The following COL25A1 variants were observed in gnomAD, a reference collection of about 807,000 sequenced individuals.
COL25A1 encodes the protein collagen alpha-1(XXV) chain.
Under a neutral mutation model 128.4 loss-of-function variants are expected in COL25A1, and 103 were observed. The observed-to-expected ratio is 0.80, with a 90% confidence interval of 0.68 to 0.94. The LOEUF is 0.94. Among genes scored for constraint, COL25A1 ranks in the 40% least tolerant of loss-of-function variants. The probability of loss-of-function intolerance (pLI) is 0.00; values close to 1 mark genes in which losing one functional copy is unlikely to be tolerated. For missense variants in COL25A1, 745 were observed against 840.0 expected (o/e 0.89, Z 1.40); for synonymous variants, 279 against 277.2 (o/e 1.01, Z -0.06).
chr4:108,959,625 A>G (rs900444360), intron 8 of COL25A1, among the ~76,000 whole-genome samples: 3 of 152,192 alleles, frequency 2.0e-5, no homozygotes, highest in Non-Finnish European at 4.4e-5. Context: ...ATCTTGACTT[A>G]TTGTAACAGT....
At position 108,936,105 on chromosome 4, in the gene COL25A1, T is replaced by G. The variant is rs553749512; in HGVS notation, c.708+1703A>C. 1.9e-3 allele frequency among the ~76,000 whole-genome samples: 293 copies of G among 152,300 alleles called. 2 individuals are homozygous for G. The highest frequency in any genetic ancestry group is 6.8e-3 in the African/African-American group (284 of 41,560). On this transcript the variant is annotated intron_variant, in intron 11 of 37. Transcript: ENST00000399132. ...GCTTAAATTAATTTCAAAATTTTAT[T>G]GCAGTTCTCCCAGAATTCTTCATAC...
intron 3 of COL25A1, among the ~76,000 whole-genome samples, chr4:109,225,997 A>G (rs1354745137): frequency 4.0e-5 from 1 of 25,256 alleles, no homozygotes; most frequent in African/African-American, 2.0e-4. Context: ...TATTTGTAAT[A>G]CACACACACA....
At chr4:108,872,831 A>T (rs1738929853) in intron 19 of COL25A1, among the ~76,000 whole-genome samples, 1 of 152,194 alleles carries the variant, frequency 6.6e-6, no homozygotes, top group South Asian at 2.1e-4. Context: ...TTCATAAAAC[A>T]TACTATTTGA....
chr4:109,083,448 A>AT (rs60165291), intron 3 of COL25A1, among the ~76,000 whole-genome samples: 4,095 of 77,114 alleles, frequency 0.053, 455 homozygotes, highest in Non-Finnish European at 0.063. Context: ...CACTAAATAA[A>AT]TTTTTTTTTT....
intron 3 of COL25A1, among the ~76,000 whole-genome samples, chr4:109,160,148 C>A (rs892393603): frequency 2.0e-5 from 3 of 152,154 alleles, no homozygotes; most frequent in Admixed American, 6.5e-5. Context: ...AAAGTTTAAA[C>A]ACCAGGGCCA....
chr4:109,139,929 T>C (rs1770226745), intron 3 of COL25A1, among the ~76,000 whole-genome samples: 1 of 151,338 alleles, frequency 6.6e-6, no homozygotes, highest in Admixed American at 6.6e-5. Flanking sequence ...TGGTGTTTGG[T>C]TTTTTGTCCT....
chr4:109,193,071 T>G (rs1578402689), intron 3 of COL25A1, among the ~76,000 whole-genome samples: 2 of 152,102 alleles, frequency 1.3e-5, no homozygotes, highest in African/African-American at 4.8e-5. Flanking sequence ...ATGGCAGCCC[T>G]TGCAAACTAG....
chr4:109,187,529 G>A (rs1269834197), intron 3 of COL25A1, among the ~76,000 whole-genome samples: 1 of 152,114 alleles, frequency 6.6e-6, no homozygotes, highest in Non-Finnish European at 1.5e-5. Flanking sequence ...GTTAATAAAT[G>A]CAAAATGCTA....
chr4:109,180,381 G>T (rs1774514903), intron 3 of COL25A1, among the ~76,000 whole-genome samples: 1 of 151,990 alleles, frequency 6.6e-6, no homozygotes, highest in Admixed American at 6.5e-5. Context: ...AACTCTAAAG[G>T]ATAGTAAAGT....
At chr4:108,942,270 T>C in intron 8 of COL25A1, 1 of 1,550,194 alleles carries the variant, frequency 6.5e-7, no homozygotes, top group Non-Finnish European at 8.7e-7. Flanking sequence ...TGGCAGGCCC[T>C]ATGGACATAG....
intron 5 of COL25A1, among the ~76,000 whole-genome samples, chr4:109,037,154 T>C (rs1442584030): frequency 3.3e-5 from 5 of 152,214 alleles, no homozygotes; most frequent in African/African-American, 9.6e-5. Flanking sequence ...AAAAGGAAGC[T>C]TGTGATATAA....
rs1184316484 is a variant in COL25A1, at chr4:108,813,671, C to T, written c.*256G>A. On this transcript the variant is annotated 3_prime_UTR_variant, in exon 38 of 38. Transcript: ENST00000399132. ...CAATCATTCTCTACCACTGATTTGT[C>T]CATATAAATACGTATCTTCACATAA... 1 of 399,274 alleles carries T rather than the reference C, an allele frequency of 2.5e-6. No individual in the cohort carries two copies. The highest frequency in any genetic ancestry group is 4.5e-6 in the Non-Finnish European group (1 of 220,128). The allele number at this position is 399,274 out of a possible 1,614,324, so 24.7% of individuals were successfully genotyped here. A position where few individuals can be genotyped will look rare whatever the true frequency, so the allele number is the denominator to read the frequency against.
chr4:108,809,012 T>C lies in COL25A1; in HGVS notation c.*4915A>G, dbSNP rs1730591849. On this transcript the variant is annotated 3_prime_UTR_variant, in exon 38 of 38. Transcript: ENST00000399132. ...TCAGCTGGAGAAATTACAAGGAAAT[T>C]AAAATAAAAATTGAACAGGGAGAAT... The C allele has an allele frequency of 1.3e-5, 2 of 152,260 alleles. No homozygotes were observed. The highest frequency in any genetic ancestry group is 4.1e-4 in the South Asian group (2 of 4,828). 9.4% of individuals were successfully genotyped at this position (152,260 alleles called of 1,614,324 possible).
chr4:109,080,760 A>G (rs1204387827), intron 3 of COL25A1, among the ~76,000 whole-genome samples: 1 of 152,182 alleles, frequency 6.6e-6, no homozygotes, highest in African/African-American at 2.4e-5. Context: ...GTACATAATT[A>G]GATTTTGCCA....
chr4:108,841,809 G>GCTTGTCTCACATCTCTT, intron 30 of COL25A1, 88 bp from the exon 31 acceptor site: 1 of 1,054,572 alleles, frequency 9.5e-7, no homozygotes. Flanking sequence ...CAAAAGAGAT[G>GCTTGTCTCACATCTCTT]TGAGACAAGC....
At chr4:108,986,844 C>T (rs1206009681) in intron 6 of COL25A1, among the ~76,000 whole-genome samples, 1 of 152,076 alleles carries the variant, frequency 6.6e-6, no homozygotes, top group Non-Finnish European at 1.5e-5. Context: ...TTTCCAAAGC[C>T]TCTATCAGTT....
At chr4:108,912,298 T>G (rs1744325603) in intron 13 of COL25A1, among the ~76,000 whole-genome samples, 1 of 152,134 alleles carries the variant, frequency 6.6e-6, no homozygotes, top group South Asian at 2.1e-4. Context: ...TTATAGTTAC[T>G]AGAGGAAAAT....
rs1553931006 is a variant in COL25A1, at chr4:109,093,463, A to ACAAAACAAAC, written c.368-43285_368-43284insGTTTGTTTTG. 1.3e-3 allele frequency among the ~76,000 whole-genome samples: 191 copies of ACAAAACAAAC among 148,842 alleles called. 1 individual carries two copies. Among genetic ancestry groups the ACAAAACAAAC allele is most frequent in the African/African-American group, 4.3e-3 (172 of 39,976 alleles). On this transcript the variant is annotated intron_variant, in intron 3 of 37. Transcript: ENST00000399132. The stretch of plus-strand genomic sequence containing the variant: ...AGCAAGACTCCATCTCTATGAAAAA[A>ACAAAACAAAC]AAAAAAAAAAAAACCTTTTTTAAAT...
chr4:108,871,927 C>T (rs1476187098), intron 19 of COL25A1, among the ~76,000 whole-genome samples: 6 of 152,128 alleles, frequency 3.9e-5, no homozygotes, highest in African/African-American at 1.4e-4. Flanking sequence ...GATATGTTGA[C>T]TCATGGTGTT....
Sources: allele counts gnomAD v4.1 joint callset (sites outside exome capture counted in the v4.1 genomes callset), GRCh38; gene constraint gnomAD v4.1.1; transcripts MANE v1.5; gene names NCBI Gene and HGNC (gene_info 2026-07-23, HGNC 2026-07-21).